ZCCHC7: variants seen among roughly 807,000 people sequenced by gnomAD.
ZCCHC7 encodes the protein zinc finger CCHC domain-containing protein 7.
A neutral mutation model predicts 52.0 loss-of-function variants in ZCCHC7; 35 were observed. The ratio of observed to expected loss-of-function variants is 0.67; its 90% confidence interval spans 0.51 to 0.89. ZCCHC7 has a LOEUF of 0.89. Among genes scored for constraint, ZCCHC7 ranks in the 40% least tolerant of loss-of-function variants. ZCCHC7 has a pLI of 0.00. For missense variants in ZCCHC7, 574 were observed against 649.1 expected (o/e 0.88, Z 1.26); for synonymous variants, 217 against 221.5 (o/e 0.98, Z 0.18).
chr9:37,330,570 T>G (rs1210725419), intron 6 of ZCCHC7, among the ~76,000 whole-genome samples: 1 of 151,712 alleles, frequency 6.6e-6, no homozygotes, highest in African/African-American at 2.4e-5. Flanking sequence ...TTGTTTTTAC[T>G]TAACAAGTAC....
intron 2 of ZCCHC7, among the ~76,000 whole-genome samples, chr9:37,132,438 A>G (rs1304622576): frequency 6.6e-6 from 1 of 152,124 alleles, no homozygotes; most frequent in African/African-American, 2.4e-5. Context: ...ACAGTTACCA[A>G]TTTATGTCTA....
intron 2 of ZCCHC7, among the ~76,000 whole-genome samples, chr9:37,199,881 T>G (rs1823535746): frequency 6.6e-6 from 1 of 150,494 alleles, no homozygotes; most frequent in South Asian, 2.1e-4. Flanking sequence ...ATTTTTTGTA[T>G]TTTTAGTAGA....
At chr9:37,199,327 CTT>C (rs57881366) in intron 2 of ZCCHC7, among the ~76,000 whole-genome samples, 18 of 129,644 alleles carry the variant, frequency 1.4e-4, no homozygotes, top group African/African-American at 4.9e-4. Context: ...TTTCTTTCTT[CTT>C]TTTTTTTTTT....
chr9:37,261,197 C>T (rs1200910523), intron 2 of ZCCHC7, among the ~76,000 whole-genome samples: 2 of 152,068 alleles, frequency 1.3e-5, no homozygotes, highest in African/African-American at 4.8e-5. Context: ...GTCTCATAGC[C>T]TCATTTGTCA....
Position 37,215,814 on chromosome 9 carries a change from T to C in ZCCHC7, c.611-86374T>C, listed in dbSNP as rs765291245. The stretch of plus-strand genomic sequence containing the variant: ...TTAAGATTAAAATAAAAATGAATGC[T>C]GTAAATAAAAGCTGTAAAGCCTTTA... On this transcript the variant is annotated intron_variant, in intron 2 of 8. Coordinates refer to ENST00000336755, the MANE Select transcript of ZCCHC7 (RefSeq NM_032226.3). Among the ~76,000 whole-genome samples the C allele has an allele frequency of 3.0e-4, 46 of 152,252 alleles. 1 individual carries two copies. The highest frequency in any genetic ancestry group is 1.2e-4 in the Non-Finnish European group (8 of 68,032).
rs1046312774 is a variant in ZCCHC7 at position 37,270,642 on chromosome 9, A to G, written c.611-31546A>G. 7.3e-5 allele frequency among the ~76,000 whole-genome samples: 11 copies of G among 151,658 alleles called. No homozygotes were observed. The South Asian group carries it at 2.1e-3, about 29-fold the overall frequency. ...GGTTGCAGTGAGCCAAGATCGCGTC[A>G]CTGCACTCCAGCCTGGGCAACAAGA... On this transcript the variant is annotated intron_variant, in intron 2 of 8. Transcript: ENST00000336755.
At chr9:37,191,996 T>C (rs1465001366) in intron 2 of ZCCHC7, among the ~76,000 whole-genome samples, 2 of 152,254 alleles carry the variant, frequency 1.3e-5, no homozygotes, top group Admixed American at 6.5e-5. Flanking sequence ...TATAAAGAGC[T>C]AAAAATTCTC....
At chr9:37,278,954 G>T (rs767519243) in intron 2 of ZCCHC7, among the ~76,000 whole-genome samples, 7 of 152,076 alleles carry the variant, frequency 4.6e-5, no homozygotes, top group Non-Finnish European at 8.8e-5. Flanking sequence ...GAGGCCACAC[G>T]GCAGGTGGAT....
At chr9:37,296,324 C>G (rs946315918) in intron 2 of ZCCHC7, among the ~76,000 whole-genome samples, 1 of 152,142 alleles carries the variant, frequency 6.6e-6, no homozygotes, top group Non-Finnish European at 1.5e-5. Flanking sequence ...AAGGTGTGGA[C>G]AATAAGTTTT....
chr9:37,179,761 A>G (rs1211540059), intron 2 of ZCCHC7, among the ~76,000 whole-genome samples: 1 of 152,190 alleles, frequency 6.6e-6, no homozygotes, highest in East Asian at 1.9e-4. Flanking sequence ...GCTGCTCATC[A>G]AGATGATTGA....
At chr9:37,309,104 T>G (rs1829475251) in intron 5 of ZCCHC7, among the ~76,000 whole-genome samples, 1 of 152,094 alleles carries the variant, frequency 6.6e-6, no homozygotes, top group African/African-American at 2.4e-5. Flanking sequence ...AATCTACCAG[T>G]ATCTACTATA....
intron 2 of ZCCHC7, among the ~76,000 whole-genome samples, chr9:37,148,048 G>A (rs551539447): frequency 9.2e-5 from 14 of 152,156 alleles, no homozygotes; most frequent in African/African-American, 3.1e-4. Flanking sequence ...GCATCTGTCA[G>A]TATTATTGTT....
At chr9:37,352,304 G>C (rs912963794) in intron 7 of ZCCHC7, among the ~76,000 whole-genome samples, 4 of 152,054 alleles carry the variant, frequency 2.6e-5, no homozygotes, top group African/African-American at 9.7e-5. Flanking sequence ...TGAAAGACTA[G>C]ATCTAAGGTG....
intron 2 of ZCCHC7, among the ~76,000 whole-genome samples, chr9:37,241,517 T>G (rs1306267546): frequency 6.6e-6 from 1 of 151,844 alleles, no homozygotes; most frequent in East Asian, 1.9e-4. Flanking sequence ...AATTTCCTAT[T>G]CTGAGTAAAG....
chr9:37,176,217 G>A (rs1272245671), intron 2 of ZCCHC7, among the ~76,000 whole-genome samples: 2 of 152,190 alleles, frequency 1.3e-5, no homozygotes, highest in Non-Finnish European at 2.9e-5. Context: ...TGGGACTACA[G>A]GCGCCTGCCA....
intron 6 of ZCCHC7, among the ~76,000 whole-genome samples, chr9:37,348,347 G>GTTTCT (rs1554736713): frequency 2.2e-5 from 3 of 135,592 alleles, no homozygotes; most frequent in African/African-American, 6.1e-5. Flanking sequence ...ATACCAGTTC[G>GTTTCT]TTCTTTCTTT....
chr9:37,332,577 A>C (rs1830490727), intron 6 of ZCCHC7, among the ~76,000 whole-genome samples: 1 of 151,436 alleles, frequency 6.6e-6, no homozygotes. Context: ...TTTTGAGTTT[A>C]GTAGGAATGA....
At chr9:37,253,903 GC>G (rs1280823603) in intron 2 of ZCCHC7, among the ~76,000 whole-genome samples, 1 of 151,818 alleles carries the variant, frequency 6.6e-6, no homozygotes, top group Non-Finnish European at 1.5e-5. Context: ...TATTATATAT[GC>G]ACTTATAATT....
At chr9:37,353,252 A>G (rs1821502095) in intron 7 of ZCCHC7, among the ~76,000 whole-genome samples, 1 of 152,208 alleles carries the variant, frequency 6.6e-6, no homozygotes, top group Admixed American at 6.5e-5. Flanking sequence ...AACTGAACCA[A>G]TACCATTAAA....
Sources: gnomAD v4.1 joint callset for allele counts (sites outside exome capture counted in the v4.1 genomes callset) on GRCh38, gnomAD v4.1.1 for gene constraint, MANE v1.5 for transcripts, NCBI Gene and HGNC (gene_info 2026-07-23, HGNC 2026-07-21) for gene names.